The following XRN2 variants were observed in gnomAD, a reference collection of about 807,000 sequenced individuals.
XRN2 encodes 5'-3' exoribonuclease 2, also known as DHM1-like protein.
In XRN2, 44 loss-of-function variants were observed where a neutral mutation model predicts 138.5. The ratio of observed to expected loss-of-function variants is 0.32; its 90% CI spans 0.25 to 0.41. The LOEUF is 0.41. Ranked by LOEUF, XRN2 falls within the 10% of genes least tolerant of loss-of-function variation. XRN2 has a pLI of 1.00. For missense variants in XRN2, 937 were observed against 1,169.3 expected (o/e 0.80, Z 2.90); for synonymous variants, 354 against 369.4 (o/e 0.96, Z 0.48).
intron 1 of XRN2, among the ~76,000 whole-genome samples, chr20:21,320,785 G>T (rs893694703): frequency 2.6e-5 from 4 of 151,916 alleles, no homozygotes; most frequent in Admixed American, 2.6e-4. Flanking sequence ...TAGTAGAGAC[G>T]GGGTTTCACC....
chr20:21,327,231 A>G (rs1293558583), intron 3 of XRN2, among the ~76,000 whole-genome samples: 1 of 152,220 alleles, frequency 6.6e-6, no homozygotes, highest in African/African-American at 2.4e-5. Context: ...TGTATCCTAT[A>G]GGCAATGAGT....
rs145859955 is a variant in XRN2 at position 21,373,434 on chromosome 20, C to T, written c.2584+4844C>T. ...TGGATTGGACTGCTGTGAAACTGTG[C>T]GTCCTTCAATGCACATATGTAAACA... On this transcript the variant is annotated intron_variant, in intron 27 of 29. Coordinates refer to ENST00000377191, the MANE Select transcript of XRN2 (RefSeq NM_012255.5). Among the ~76,000 whole-genome samples, 5 of 152,288 alleles carry T rather than the reference C, an allele frequency of 3.3e-5. No homozygotes were observed. The South Asian group carries it at 6.2e-4, about 19-fold the overall frequency.
At chr20:21,355,705 T>C (rs7265974) in intron 21 of XRN2, among the ~76,000 whole-genome samples, 1 of 151,982 alleles carries the variant, frequency 6.6e-6, no homozygotes, top group Non-Finnish European at 1.5e-5. Flanking sequence ...AATTAAAAAA[T>C]TTTTTTTAAA....
chr20:21,312,558 A>T (rs1487506706), intron 1 of XRN2, among the ~76,000 whole-genome samples: 1 of 151,496 alleles, frequency 6.6e-6, no homozygotes, highest in Non-Finnish European at 1.5e-5. Context: ...TTAAATGCCT[A>T]AACTCTAGAG....
chr20:21,339,888 C>T (rs2038349209), intron 14 of XRN2, among the ~76,000 whole-genome samples: 1 of 151,986 alleles, frequency 6.6e-6, no homozygotes, highest in African/African-American at 2.4e-5. Flanking sequence ...CTGCCTTTTA[C>T]TACGTTTTGT....
chr20:21,324,972 A>G (rs1600680110), intron 1 of XRN2, among the ~76,000 whole-genome samples: 1 of 152,142 alleles, frequency 6.6e-6, no homozygotes, highest in Non-Finnish European at 1.5e-5. Flanking sequence ...GTTGCTACCC[A>G]TCTCCCTCCC....
At chr20:21,336,698 G>A (rs1600689977) in intron 13 of XRN2, among the ~76,000 whole-genome samples, 1 of 152,270 alleles carries the variant, frequency 6.6e-6, no homozygotes, top group African/African-American at 2.4e-5. Context: ...TGGGAGAGCT[G>A]GAAGATAAAC....
intron 26 of XRN2, among the ~76,000 whole-genome samples, chr20:21,367,803 A>C (rs937261441): frequency 6.6e-6 from 1 of 152,166 alleles, no homozygotes; most frequent in Non-Finnish European, 1.5e-5. Flanking sequence ...CATTATTTCA[A>C]CTGTTTTGGA....
intron 1 of XRN2, among the ~76,000 whole-genome samples, chr20:21,324,497 CTT>C (rs11482123): frequency 6.9e-5 from 10 of 145,330 alleles, no homozygotes; most frequent in Non-Finnish European, 6.0e-5. Context: ...TGTATATGTT[CTT>C]TTTTTTTTTT....
chr20:21,361,769 A>T (rs895393093), intron 24 of XRN2, among the ~76,000 whole-genome samples: 1 of 152,242 alleles, frequency 6.6e-6, no homozygotes, highest in Non-Finnish European at 1.5e-5. Context: ...GTTCCTGCTT[A>T]GTCTGTGTGT....
At chr20:21,330,402 T>A (rs1396003053) in intron 4 of XRN2, 79 bp from the exon 5 acceptor site, 1 of 1,472,124 alleles carries the variant, frequency 6.8e-7, no homozygotes, top group Non-Finnish European at 9.2e-7. Context: ...GAACTTTTTG[T>A]TTTTGTTGTT....
rs764983907 is a variant in XRN2 at position 21,328,705 on chromosome 20, A to G, written c.427+35A>G. The G allele has an allele frequency of 8.8e-6, 14 of 1,592,174 alleles. No homozygotes were observed. In the Admixed American group the frequency reaches 1.4e-4, roughly 16 times the overall value. On this transcript the variant is annotated intron_variant, in intron 4 of 29. Coordinates refer to ENST00000377191, the MANE Select transcript of XRN2 (RefSeq NM_012255.5). Reference sequence around the variant, plus strand: ...ATGCATCTTGAAGTTGGATTTTTTCATAAGATGTATGCAGAATGAGGGGGT... The same window carrying G: ...ATGCATCTTGAAGTTGGATTTTTTCGTAAGATGTATGCAGAATGAGGGGGT...
At position 21,356,139 on chromosome 20, in the gene XRN2, G is replaced by A. The variant is rs776530196; in HGVS notation, c.2080G>A (p.Asp694Asn). The A allele has an allele frequency of 6.2e-7, 1 of 1,612,842 alleles. No individual in the cohort carries two copies. The highest frequency in any genetic ancestry group is 1.1e-5 in the South Asian group (1 of 90,998). ...LFVGKHHPLH[D>N]FILELYQTGS... The stretch of plus-strand genomic sequence containing the variant: ...TGTGGGGAAACATCACCCACTCCAT[G>A]ACTTCATTTTAGAGCTGTACCAGAC... Residue 694 changes from aspartate (D) to asparagine (N), a missense_variant, in exon 22 of 30, where the codon GAC becomes AAC. Coordinates refer to ENST00000377191, the MANE Select transcript of XRN2 (RefSeq NM_012255.5).
At position 21,326,524 on chromosome 20, in the gene XRN2, G is replaced by T. The variant is rs146110428; in HGVS notation, c.238G>T (p.Ala80Ser). The T allele has an allele frequency of 6.7e-4, 1,081 of 1,614,042 alleles. 6 individuals are homozygous for T. In the African/African-American group the frequency reaches 0.013, roughly 20 times the overall value. ...AAAAAATGAAGATGAAATGATGGTT[G>T]CAATTTTTGAGTACATTGACAGACT... ...APKNEDEMMVAIFEYIDRLFS... is the reference protein window; with the variant it reads ...APKNEDEMMVSIFEYIDRLFS... The change falls in exon 3 of 30, where the codon GCA becomes TCA. Residue 80 changes from alanine to serine, a missense_variant. By Grantham distance (99) the Ala-to-Ser change is moderately conservative. Transcript: ENST00000377191.
rs201135713 is a variant in XRN2, at chr20:21,357,759, T to C, written c.2222T>C (p.Met741Thr). 1.5e-5 allele frequency: 24 copies of C among 1,599,424 alleles called. No individual in the cohort carries two copies. Among genetic ancestry groups the C allele is most frequent in the East Asian group, 2.3e-5 (1 of 44,302 alleles). ...PDQIVCSPVPMLRDLTQNTVV... is the reference protein window; with the variant it reads ...PDQIVCSPVPTLRDLTQNTVV... ...AGAATAGTATGTTCTCCTGTTCCTATGTTAAGGGATCTGACACAGAACACT... is the reference window on the plus strand; with the variant it reads ...AGAATAGTATGTTCTCCTGTTCCTACGTTAAGGGATCTGACACAGAACACT... Residue 741 changes from methionine (M) to threonine (T), a missense_variant, in exon 24 of 30, where the codon ATG becomes ACG. Physicochemically the swap from Met to Thr is moderately conservative, Grantham distance 81. This residue lies in a region of XRN2 where 372 missense variants were observed against 414.4 expected (regional missense o/e 0.90). Coordinates refer to ENST00000377191, the MANE Select transcript of XRN2 (RefSeq NM_012255.5).
chr20:21,318,425 T>G (rs974598350), intron 1 of XRN2, among the ~76,000 whole-genome samples: 6 of 152,158 alleles, frequency 3.9e-5, no homozygotes. Context: ...TTCATTAATT[T>G]CTGCTCTCAT....
intron 1 of XRN2, among the ~76,000 whole-genome samples, chr20:21,322,080 T>A (rs1254676596): frequency 2.6e-5 from 4 of 152,234 alleles, no homozygotes; most frequent in African/African-American, 9.6e-5. Flanking sequence ...ACTTAACCTC[T>A]CTAAGCATTT....
In XRN2 at chr20:21,344,279, A is replaced by G. The variant is rs1040776440; in HGVS notation, c.1529+71A>G. ...AGATGCAGTCTAATTAATGCTATTT[A>G]GCTTAGAGCAGCAGTGCCTTCAGAT... On this transcript the variant is annotated intron_variant, in intron 16 of 29. Coordinates refer to ENST00000377191, the MANE Select transcript of XRN2 (RefSeq NM_012255.5). 1.0e-5 allele frequency: 12 copies of G among 1,146,212 alleles called. No homozygotes were observed. The African/African-American group carries it at 1.7e-4, about 16-fold the overall frequency. The allele number at this position is 1,146,212 out of a possible 1,614,324, so 71.0% of individuals were successfully genotyped here. A position where few individuals can be genotyped will look rare whatever the true frequency, so the allele number is the denominator to read the frequency against.
Position 21,374,196 on chromosome 20 carries a change from TTCA to T in XRN2, c.2584+5608_2584+5610del, listed in dbSNP as rs529681900. Among the ~76,000 whole-genome samples the T allele has an allele frequency of 3.9e-5, 6 of 152,352 alleles. No individual in the cohort carries two copies. The East Asian group carries it at 1.2e-3, about 29-fold the overall frequency. The stretch of plus-strand genomic sequence containing the variant: ...ATTTGTATCTGACATCCTTACTAGA[TTCA>T]TTTCTTCTAATAGTTTATATGTTCT... On this transcript the variant is annotated intron_variant, in intron 27 of 29. Coordinates refer to ENST00000377191, the MANE Select transcript of XRN2 (RefSeq NM_012255.5).
Sources: allele counts gnomAD v4.1 joint callset (sites outside exome capture counted in the v4.1 genomes callset), GRCh38; gene constraint gnomAD v4.1.1; regional missense constraint gnomAD v4.1.1; transcripts MANE v1.5; gene names NCBI Gene and HGNC (gene_info 2026-07-23, HGNC 2026-07-21).